Variants in GRIN3A observed in about 807,000 individuals in gnomAD.
GRIN3A encodes the protein glutamate receptor ionotropic, NMDA 3A.
GRIN3A carries 47 observed loss-of-function variants against 92.4 expected under a neutral mutation model. That is an observed-to-expected ratio of 0.51 (90% CI 0.40 to 0.65). The LOEUF is 0.65. Among genes scored for constraint, GRIN3A ranks in the 30% least tolerant of loss-of-function variants. The pLI is 0.00. For synonymous variants in GRIN3A, 527 were observed against 540.6 expected (o/e 0.97, Z 0.35); for missense variants, 1,324 against 1,393.1 (o/e 0.95, Z 0.79).
At chr9:101,636,571 T>A (rs1828788346) in intron 3 of GRIN3A, among the ~76,000 whole-genome samples, 1 of 152,222 alleles carries the variant, frequency 6.6e-6, no homozygotes, top group South Asian at 2.1e-4. Flanking sequence ...TAATCTCTAG[T>A]TTACTTACCT....
intron 1 of GRIN3A, among the ~76,000 whole-genome samples, chr9:101,691,622 T>C (rs7027166): frequency 1.4e-4 from 21 of 152,320 alleles, no homozygotes; most frequent in African/African-American, 4.3e-4. Flanking sequence ...CTGGGTACTG[T>C]CTTCCTAGTC....
chr9:101,632,624 A>G (rs1407874), intron 3 of GRIN3A, among the ~76,000 whole-genome samples: 29,516 of 152,002 alleles, frequency 0.19, 3,199 homozygotes, highest in Non-Finnish European at 0.25. Context: ...ACTTTAATTC[A>G]TTCAAAATGA....
At chr9:101,726,713 A>G (rs1382441301) in intron 1 of GRIN3A, among the ~76,000 whole-genome samples, 1 of 150,406 alleles carries the variant, frequency 6.6e-6, no homozygotes, top group Non-Finnish European at 1.5e-5. Flanking sequence ...TTTAAAATTT[A>G]TGTTTTTAAA....
chr9:101,670,810 TTCA>T lies in GRIN3A; in HGVS notation c.1599_1601del (p.Asp533del). The T allele has an allele frequency of 6.2e-7, 1 of 1,614,040 alleles. No individual in the cohort carries two copies. ...AGAGTTGGCCAGCAGGGCACAAGCC[TTCA>T]TCATCTACCTCCCTTGTGAAGACAA... On this transcript the variant is annotated inframe_deletion, in exon 3 of 9. Coordinates refer to ENST00000361820, the MANE Select transcript of GRIN3A (RefSeq NM_133445.3).
At chr9:101,711,861 T>C (rs528731433) in intron 1 of GRIN3A, among the ~76,000 whole-genome samples, 1 of 152,244 alleles carries the variant, frequency 6.6e-6, no homozygotes, top group East Asian at 1.9e-4. Context: ...TGAGAGACAG[T>C]AGCTATTTTT....
intron 3 of GRIN3A, among the ~76,000 whole-genome samples, chr9:101,646,291 G>A (rs1828936292): frequency 6.6e-6 from 1 of 151,718 alleles, no homozygotes; most frequent in African/African-American, 2.4e-5. Flanking sequence ...TCTCCATATG[G>A]AGATCCAGTT....
intron 2 of GRIN3A, among the ~76,000 whole-genome samples, chr9:101,685,110 T>G (rs1829515926): frequency 6.6e-6 from 1 of 152,182 alleles, no homozygotes; most frequent in South Asian, 2.1e-4. Flanking sequence ...ACTAATAGAT[T>G]TGTAGTAAAT....
intron 3 of GRIN3A, among the ~76,000 whole-genome samples, chr9:101,665,723 A>G (rs1829229254): frequency 6.6e-6 from 1 of 151,988 alleles, no homozygotes; most frequent in African/African-American, 2.4e-5. Flanking sequence ...CTCCATAGGC[A>G]CTAAATTCTC....
chr9:101,692,325 T>A (rs559722570), intron 1 of GRIN3A, among the ~76,000 whole-genome samples: 4 of 152,286 alleles, frequency 2.6e-5, no homozygotes, highest in Admixed American at 2.6e-4. Context: ...CCAGTCAGCA[T>A]GCAAGTTAAG....
chr9:101,730,222 G>A (rs963739263), intron 1 of GRIN3A, among the ~76,000 whole-genome samples: 1 of 152,148 alleles, frequency 6.6e-6, no homozygotes, highest in Non-Finnish European at 1.5e-5. Context: ...AGAACTCTAA[G>A]TGGGACTTCA....
intron 2 of GRIN3A, among the ~76,000 whole-genome samples, chr9:101,678,483 C>T (rs1288732129): frequency 6.6e-6 from 1 of 152,054 alleles, no homozygotes; most frequent in African/African-American, 2.4e-5. Context: ...AAATTGCATA[C>T]AAGGCTCATC....
chr9:101,587,385 G>A (rs1827963697), intron 6 of GRIN3A, among the ~76,000 whole-genome samples: 1 of 151,952 alleles, frequency 6.6e-6, no homozygotes, highest in Non-Finnish European at 1.5e-5. Flanking sequence ...AAGGATTAAG[G>A]TCCTCTAGCT....
chr9:101,613,362 C>A lies in GRIN3A; in HGVS notation c.2766+14G>T. On this transcript the variant is annotated intron_variant, in intron 6 of 8. Coordinates refer to ENST00000361820, the MANE Select transcript of GRIN3A (RefSeq NM_133445.3). Reference sequence around the variant, plus strand: ...CTATACAACGTGTCACCATTTTCAACAGTCTTTCCATACCTCCGTGACAGC... The same window carrying A: ...CTATACAACGTGTCACCATTTTCAAAAGTCTTTCCATACCTCCGTGACAGC... The A allele has an allele frequency of 1.2e-6, 2 of 1,614,030 alleles. No individual in the cohort carries two copies. Among genetic ancestry groups the A allele is most frequent in the Non-Finnish European group, 1.7e-6 (2 of 1,179,914 alleles).
intron 6 of GRIN3A, among the ~76,000 whole-genome samples, chr9:101,597,734 C>T (rs1339758897): frequency 6.6e-6 from 1 of 152,086 alleles, no homozygotes; most frequent in African/African-American, 2.4e-5. Flanking sequence ...GAGAAAGTAT[C>T]ATCTGTAAGG....
chr9:101,646,014 A>G (rs1050703312), intron 3 of GRIN3A, among the ~76,000 whole-genome samples: 1 of 151,472 alleles, frequency 6.6e-6, no homozygotes, highest in African/African-American at 2.4e-5. Context: ...ATTTTCTCTT[A>G]TTTTGCCTCT....
chr9:101,683,472 A>T (rs1408824148), intron 2 of GRIN3A, among the ~76,000 whole-genome samples: 2 of 152,330 alleles, frequency 1.3e-5, no homozygotes, highest in East Asian at 3.9e-4. Flanking sequence ...TAAACAAAAT[A>T]AATAAGGATG....
intron 1 of GRIN3A, among the ~76,000 whole-genome samples, chr9:101,732,529 G>A (rs1303023088): frequency 6.6e-6 from 1 of 152,098 alleles, no homozygotes; most frequent in East Asian, 1.9e-4. Flanking sequence ...AGGCAAGTGT[G>A]CAACCTACTT....
intron 1 of GRIN3A, among the ~76,000 whole-genome samples, chr9:101,698,820 C>A (rs1829717358): frequency 6.6e-6 from 1 of 151,954 alleles, no homozygotes; most frequent in Non-Finnish European, 1.5e-5. Context: ...AGGTGCGAGC[C>A]ACCACGCCTG....
chr9:101,670,933 A>G lies in GRIN3A; in HGVS notation c.1479T>C (p.Tyr493=), dbSNP rs769832593. 6.8e-6 allele frequency: 11 copies of G among 1,613,944 alleles called. No homozygotes were observed. The highest frequency in any genetic ancestry group is 1.1e-5 in the South Asian group (1 of 91,074). Residue 493 remains tyrosine (Y), a synonymous_variant, in exon 3 of 9, where the codon TAT becomes TAC. Coordinates refer to ENST00000361820, the MANE Select transcript of GRIN3A (RefSeq NM_133445.3). ...SWQGGKIVMD[Y]GIWPEQAQRH... ...TCTGGGCCTGCTCTGGCCATATTCC[A>G]TAGTCCATGACAATCTTTCCCCCCT...
Sources: allele counts gnomAD v4.1 joint callset (sites outside exome capture counted in the v4.1 genomes callset), GRCh38; gene constraint gnomAD v4.1.1; transcripts MANE v1.5; gene names NCBI Gene and HGNC (gene_info 2026-07-23, HGNC 2026-07-21).